The following LYN variants were observed in gnomAD, a reference collection of about 807,000 sequenced individuals.
LYN encodes tyrosine-protein kinase Lyn.
Under a neutral mutation model 65.0 loss-of-function variants are expected in LYN, and 12 were observed. The ratio of observed to expected loss-of-function variants is 0.18; its 90% CI spans 0.12 to 0.30. The LOEUF (loss-of-function observed/expected upper bound fraction) is 0.30, where lower values mean the gene tolerates loss of function less well. LYN is among the 10% of genes least tolerant of loss of function. The pLI is 1.00. For missense variants in LYN, 380 were observed against 623.2 expected (o/e 0.61, Z 4.16); for synonymous variants, 222 against 221.2 (o/e 1.00, Z -0.03).
intron 11 of LYN, among the ~76,000 whole-genome samples, chr8:55,998,774 G>T (rs1201777642): frequency 6.6e-6 from 1 of 152,182 alleles, no homozygotes; most frequent in Non-Finnish European, 1.5e-5. Flanking sequence ...TCAGCAAGAT[G>T]ATTCTTGTTT....
At chr8:55,934,241 C>T (rs1806357988) in intron 1 of LYN, among the ~76,000 whole-genome samples, 2 of 152,114 alleles carry the variant, frequency 1.3e-5, no homozygotes, top group African/African-American at 4.8e-5. Context: ...AAAGAAGGAG[C>T]TTCAAATCAG....
In LYN at chr8:55,989,699, C is replaced by G. The variant is rs529411971; in HGVS notation, c.1051-8647C>G. Among the ~76,000 whole-genome samples, 3 of 152,296 alleles carry G rather than the reference C, an allele frequency of 2.0e-5. No individual in the cohort carries two copies. The East Asian group carries it at 5.8e-4, about 29-fold the overall frequency. On this transcript the variant is annotated intron_variant, in intron 10 of 12. Coordinates refer to ENST00000519728, the MANE Select transcript of LYN (RefSeq NM_002350.4). Reference sequence around the variant, plus strand: ...AAACCAAAAACCATCTGAGACAGGTCTCCATCAATTTAGAGGTTTATTTTG... The same window carrying G: ...AAACCAAAAACCATCTGAGACAGGTGTCCATCAATTTAGAGGTTTATTTTG...
chr8:55,900,165 T>A (rs1293104546), intron 1 of LYN, among the ~76,000 whole-genome samples: 1 of 152,114 alleles, frequency 6.6e-6, no homozygotes, highest in Non-Finnish European at 1.5e-5. Flanking sequence ...GCCAACTTGG[T>A]GCAATTTTTA....
chr8:55,947,748 G>A (rs1464644852), intron 4 of LYN, 25 bp downstream of exon 4: 1 of 1,515,728 alleles, frequency 6.6e-7, no homozygotes, highest in Middle Eastern at 1.8e-4. Context: ...GCACGCCACG[G>A]CTGCTCGTTT....
At chr8:55,991,218 T>G (rs747196660) in intron 10 of LYN, among the ~76,000 whole-genome samples, 7 of 152,110 alleles carry the variant, frequency 4.6e-5, no homozygotes, top group Non-Finnish European at 1.0e-4. Flanking sequence ...GCCCCAAGGG[T>G]ATCTTTGTTG....
chr8:55,882,987 T>C (rs976410544), intron 1 of LYN, among the ~76,000 whole-genome samples: 2 of 152,224 alleles, frequency 1.3e-5, no homozygotes, highest in African/African-American at 4.8e-5. Flanking sequence ...AAGTAGAAGA[T>C]GCATTTAATA....
chr8:55,968,058 A>G (rs1585649918), intron 9 of LYN, among the ~76,000 whole-genome samples: 1 of 152,168 alleles, frequency 6.6e-6, no homozygotes, highest in Non-Finnish European at 1.5e-5. Flanking sequence ...GAGTCTTTCC[A>G]AACAATGGCA....
intron 1 of LYN, among the ~76,000 whole-genome samples, chr8:55,887,331 AC>A (rs1315294606): frequency 6.6e-6 from 1 of 152,094 alleles, no homozygotes; most frequent in African/African-American, 2.4e-5. Context: ...ATGACATGAT[AC>A]CATTTCTGAA....
At chr8:55,973,176 G>A (rs544834248) in intron 10 of LYN, among the ~76,000 whole-genome samples, 26 of 152,114 alleles carry the variant, frequency 1.7e-4, no homozygotes, top group South Asian at 4.2e-4. Context: ...TCTCCCCTCC[G>A]CATTCCCCTG....
intron 1 of LYN, among the ~76,000 whole-genome samples, chr8:55,935,009 A>G (rs374119811): frequency 5.9e-5 from 9 of 152,166 alleles, no homozygotes; most frequent in African/African-American, 1.9e-4. Flanking sequence ...GGTGGAGGTG[A>G]TGCCCACACC....
intron 1 of LYN, chr8:55,940,195 T>C (rs1806567435): frequency 1.3e-5 from 2 of 152,234 alleles, no homozygotes; most frequent in Admixed American, 6.5e-5. Flanking sequence ...TCATCTCTCC[T>C]TCCTCTAGAC....
chr8:55,906,734 AAGAG>A (rs567405661), intron 1 of LYN, among the ~76,000 whole-genome samples: 10 of 123,840 alleles, frequency 8.1e-5, no homozygotes, highest in African/African-American at 2.8e-4. Flanking sequence ...AGAAAAAAAA[AAGAG>A]AGAGAGAGGA....
chr8:55,971,529 C>T (rs886730103), intron 10 of LYN, among the ~76,000 whole-genome samples: 4 of 152,236 alleles, frequency 2.6e-5, no homozygotes, highest in Non-Finnish European at 5.9e-5. Flanking sequence ...TATGGAACAT[C>T]GGGACACATG....
At chr8:55,888,042 G>T (rs1269899212) in intron 1 of LYN, among the ~76,000 whole-genome samples, 3 of 152,200 alleles carry the variant, frequency 2.0e-5, no homozygotes, top group South Asian at 2.1e-4. Context: ...GGATATAATT[G>T]TAAGAGTCCT....
At chr8:55,975,561 G>A (rs2719229) in intron 10 of LYN, among the ~76,000 whole-genome samples, 71,557 of 152,122 alleles carry the variant, frequency 0.47, 17,674 homozygotes, top group African/African-American at 0.59. Context: ...CTCTAAATAA[G>A]GGAACACAAA....
intron 8 of LYN, among the ~76,000 whole-genome samples, chr8:55,960,119 C>T (rs924011609): frequency 2.6e-5 from 4 of 152,060 alleles, no homozygotes; most frequent in African/African-American, 9.7e-5. Flanking sequence ...TCTGAATATG[C>T]AAATAACTGA....
At chr8:55,913,403 T>G (rs888587906) in intron 1 of LYN, among the ~76,000 whole-genome samples, 2 of 152,162 alleles carry the variant, frequency 1.3e-5, no homozygotes, top group African/African-American at 2.4e-5. Context: ...GGCTGCCTAC[T>G]GCAGGGCCCA....
chr8:55,911,528 C>T (rs116865222), intron 1 of LYN, among the ~76,000 whole-genome samples: 2 of 151,708 alleles, frequency 1.3e-5, no homozygotes, highest in Admixed American at 6.6e-5. Context: ...CTCCTGGTGA[C>T]CCTGAACTCG....
intron 1 of LYN, among the ~76,000 whole-genome samples, chr8:55,935,720 G>A (rs920393101): frequency 6.6e-6 from 1 of 150,476 alleles, no homozygotes; most frequent in Non-Finnish European, 1.5e-5. Context: ...GGCAGAGGTT[G>A]CAGTGAGCCG....
Sources: gnomAD v4.1 joint callset for allele counts (sites outside exome capture counted in the v4.1 genomes callset) on GRCh38, gnomAD v4.1.1 for gene constraint, MANE v1.5 for transcripts, NCBI Gene and HGNC (gene_info 2026-07-23, HGNC 2026-07-21) for gene names.